The following ZNF679 variants were observed in gnomAD, a reference collection of about 807,000 sequenced individuals.
The protein encoded by ZNF679 is hypothetical protein MGC42415.
A neutral mutation model predicts 13.4 loss-of-function variants in ZNF679; 10 were observed. The ratio of observed to expected loss-of-function variants is 0.75; its 90% CI spans 0.46 to 1.27. ZNF679 has a LOEUF of 1.27. Among genes scored for constraint, ZNF679 ranks in the 50% most tolerant of loss-of-function variants. The pLI is 0.00. For missense variants in ZNF679, 525 were observed against 477.8 expected (o/e 1.10, Z -0.92); for synonymous variants, 179 against 162.5 (o/e 1.10, Z -0.77).
At chr7:64,258,724 TC>T (rs1163484181) in intron 2 of ZNF679, among the ~76,000 whole-genome samples, 1 of 151,552 alleles carries the variant, frequency 6.6e-6, no homozygotes, top group Non-Finnish European at 1.5e-5. Flanking sequence ...AAATGCAGTG[TC>T]CACTCTGCCT....
chr7:64,251,453 CA>C (rs372636689), intron 2 of ZNF679, among the ~76,000 whole-genome samples: 9 of 149,778 alleles, frequency 6.0e-5, no homozygotes, highest in African/African-American at 2.0e-4. Flanking sequence ...GACCATATCT[CA>C]AAAAAAAAGA....
intron 2 of ZNF679, among the ~76,000 whole-genome samples, chr7:64,250,878 C>T (rs752978881): frequency 2.0e-5 from 3 of 152,154 alleles, no homozygotes; most frequent in Non-Finnish European, 4.4e-5. Context: ...TGAGCCACCA[C>T]GCCAGGCCTC....
chr7:64,260,472 A>G, intron 3 of ZNF679, 125 bp downstream of exon 3: 2 of 1,428,006 alleles, frequency 1.4e-6, no homozygotes, highest in Non-Finnish European at 1.9e-6. Flanking sequence ...AATCTTGGGG[A>G]TTCATTGGTG....
intron 1 of ZNF679, among the ~76,000 whole-genome samples, chr7:64,241,560 T>C (rs1368465483): frequency 6.6e-6 from 1 of 152,230 alleles, no homozygotes; most frequent in Non-Finnish European, 1.5e-5. Flanking sequence ...ACAATGCCTC[T>C]TGCGGGCAGG....
Position 64,265,955 on chromosome 7 carries a change from C to G in ZNF679, c.322C>G (p.Gln108Glu), listed in dbSNP as rs766984943. 3.7e-6 allele frequency: 6 copies of G among 1,613,542 alleles called. No homozygotes were observed. The East Asian group carries it at 1.3e-4, about 36-fold the overall frequency. ...AGAGCTAGGCATAAAAGATTCACTC[C>G]AAAAAGTAATACCAAGAAGATATGG... Reference protein sequence around the residue: ...PPELGIKDSLQKVIPRRYGKS... With the variant: ...PPELGIKDSLEKVIPRRYGKS... Residue 108 changes from glutamine to glutamate, a missense_variant, in exon 5 of 5, where the codon CAA becomes GAA. Transcript: ENST00000421025.
At chr7:64,243,334 G>T (rs1053895116) in intron 1 of ZNF679, among the ~76,000 whole-genome samples, 8 of 152,244 alleles carry the variant, frequency 5.3e-5, no homozygotes, top group Non-Finnish European at 1.0e-4. Flanking sequence ...TCAACTAGGT[G>T]CTGGGCCAGC....
chr7:64,246,085 T>C (rs1787865496), intron 1 of ZNF679, among the ~76,000 whole-genome samples: 1 of 152,220 alleles, frequency 6.6e-6, no homozygotes, highest in South Asian at 2.1e-4. Context: ...AGAGGGACTT[T>C]ACGGAGAGGG....
intron 1 of ZNF679, among the ~76,000 whole-genome samples, chr7:64,244,148 G>A (rs565943022): frequency 6.6e-6 from 1 of 152,188 alleles, no homozygotes; most frequent in South Asian, 2.1e-4. Context: ...TACTTGGGAG[G>A]CTGAGGCAGG....
intron 2 of ZNF679, among the ~76,000 whole-genome samples, chr7:64,251,889 C>G (rs370070375): frequency 5.9e-5 from 9 of 152,202 alleles, no homozygotes; most frequent in Non-Finnish European, 1.0e-4. Context: ...AAAAGCTAAT[C>G]CCTTGCGACA....
intron 2 of ZNF679, among the ~76,000 whole-genome samples, chr7:64,259,634 TAATTA>T (rs1788048404): frequency 6.6e-6 from 1 of 152,024 alleles, no homozygotes; most frequent in African/African-American, 2.4e-5. Flanking sequence ...TGTTTCTTTA[TAATTA>T]AATTTAGGCC....
Position 64,266,496 on chromosome 7 carries a change from G to A in ZNF679, c.863G>A (p.Arg288Lys). 1 of 1,613,030 alleles carries A rather than the reference G, an allele frequency of 6.2e-7. No homozygotes were observed. Among genetic ancestry groups the A allele is most frequent in the South Asian group, 1.1e-5 (1 of 90,916 alleles). ...TCCTCAACACTTGCTAACCACAAGA[G>A]AATTCATACTGGAGAGAAACCATAC... ...SRSSTLANHK[R>K]IHTGEKPYTC... Residue 288 changes from arginine (R) to lysine (K), a missense_variant, in exon 5 of 5, where the codon AGA (arginine) becomes AAA (lysine). Transcript: ENST00000421025.
chr7:64,249,827 AT>A (rs1787918833), intron 2 of ZNF679, among the ~76,000 whole-genome samples: 1 of 152,170 alleles, frequency 6.6e-6, no homozygotes, highest in African/African-American at 2.4e-5. Flanking sequence ...TTTCTTCAAT[AT>A]AGTAATTTCC....
At chr7:64,262,148 G>A (rs372969259) in intron 4 of ZNF679, among the ~76,000 whole-genome samples, 3 of 152,104 alleles carry the variant, frequency 2.0e-5, no homozygotes, top group Admixed American at 6.6e-5. Context: ...GAGCCACCGC[G>A]CCTGGCTCGC....
intron 1 of ZNF679, among the ~76,000 whole-genome samples, chr7:64,235,602 A>T (rs1787699160): frequency 6.6e-6 from 1 of 152,062 alleles, no homozygotes; most frequent in African/African-American, 2.4e-5. Flanking sequence ...CAGGTTGCCC[A>T]AAATGGTGAA....
chr7:64,229,477 T>G (rs565247074), intron 1 of ZNF679, among the ~76,000 whole-genome samples: 51 of 152,134 alleles, frequency 3.4e-4, no homozygotes, highest in Non-Finnish European at 5.9e-4. Context: ...ATTCCAACTG[T>G]GGTCTGCATC....
chr7:64,263,365 A>G (rs1788103041), intron 4 of ZNF679, among the ~76,000 whole-genome samples: 2 of 152,192 alleles, frequency 1.3e-5, no homozygotes, highest in Admixed American at 1.3e-4. Context: ...TGCTGAGAGT[A>G]CACCTGTGAG....
chr7:64,248,848 T>G (rs892250528), intron 1 of ZNF679, among the ~76,000 whole-genome samples, 180 bp from the exon 2 acceptor site: 5 of 152,040 alleles, frequency 3.3e-5, no homozygotes, highest in African/African-American at 9.7e-5. Flanking sequence ...AGCCTGTTAT[T>G]TTTGCTTTGT....
chr7:64,239,172 G>A (rs1236726150), intron 1 of ZNF679, among the ~76,000 whole-genome samples: 2 of 152,150 alleles, frequency 1.3e-5, no homozygotes, highest in Non-Finnish European at 1.5e-5. Flanking sequence ...AAACCCAGGG[G>A]CAGTTAAGAG....
At chr7:64,254,989 G>A (rs1787984632) in intron 2 of ZNF679, among the ~76,000 whole-genome samples, 2 of 108,044 alleles carry the variant, frequency 1.9e-5, no homozygotes, top group East Asian at 3.2e-4. Flanking sequence ...AACAGAGTGA[G>A]ACTCCATCTC....
Sources: gnomAD v4.1 joint callset for allele counts (sites outside exome capture counted in the v4.1 genomes callset) on GRCh38, gnomAD v4.1.1 for gene constraint, MANE v1.5 for transcripts, NCBI Gene and HGNC (gene_info 2026-07-23, HGNC 2026-07-21) for gene names.